The following TFDP2 variants were observed in gnomAD, a reference collection of about 807,000 sequenced individuals.
TFDP2 encodes the protein transcription factor Dp-2, also known as transcription factor Dp-2 (E2F dimerization partner 2).
Under a neutral mutation model 59.3 loss-of-function variants are expected in TFDP2, and 17 were observed. The ratio of observed to expected loss-of-function variants is 0.29; its 90% CI spans 0.20 to 0.43. The LOEUF is 0.43. Ranked by LOEUF, TFDP2 falls within the 20% of genes least tolerant of loss-of-function variation. The pLI, the probability that TFDP2 is intolerant of heterozygous loss-of-function variation, is 1.00. For missense variants in TFDP2, 391 were observed against 528.8 expected, an observed-to-expected ratio of 0.74 and a Z score of 2.56; for synonymous variants, 180 against 194.7, an observed-to-expected ratio of 0.92 and a Z score of 0.63.
chr3:141,973,661 G>T (rs1576527940), intron 8 of TFDP2, among the ~76,000 whole-genome samples: 1 of 146,650 alleles, frequency 6.8e-6, no homozygotes, highest in African/African-American at 2.5e-5. Context: ...ACCAATAAAG[G>T]AAATAAACAG....
chr3:141,978,237 C>T (rs569863387), intron 7 of TFDP2, among the ~76,000 whole-genome samples: 34 of 151,282 alleles, frequency 2.2e-4, no homozygotes, highest in African/African-American at 7.0e-4. Flanking sequence ...CCCAGCTACG[C>T]GGGAGGCTGA....
rs2062053720 is a variant in TFDP2 at position 142,121,732 on chromosome 3, T to C, written c.-92-19891A>G. Among the ~76,000 whole-genome samples, 1 of 152,042 alleles carries C rather than the reference T, an allele frequency of 6.6e-6. No individual in the cohort carries two copies. The highest frequency in any genetic ancestry group is 2.4e-5 in the African/African-American group (1 of 41,400). On this transcript the variant is annotated intron_variant, in intron 1 of 12. Transcript: ENST00000489671. The surrounding 1 kb of genome is among the most constrained non-coding windows in gnomAD (Gnocchi z 4.3). ...TTAGGATATGAAGTTTAAAAAAGGC[T>C]CACACCTGTAATCCCAGCACTTCTG...
intron 4 of TFDP2, among the ~76,000 whole-genome samples, chr3:142,004,989 A>G (rs1944101450): frequency 6.6e-6 from 1 of 152,252 alleles, no homozygotes; most frequent in Non-Finnish European, 1.5e-5. Flanking sequence ...GACCAGATAC[A>G]TTCAGATAAA....
At chr3:142,110,503 C>CAA (rs539385451) in intron 1 of TFDP2, among the ~76,000 whole-genome samples, 70 of 117,624 alleles carry the variant, frequency 6.0e-4, no homozygotes, top group African/African-American at 2.0e-3. Context: ...GACTCTGTCT[C>CAA]AAAAAAAAAA....
At chr3:142,101,919 T>C in intron 1 of TFDP2, 78 bp from the exon 2 acceptor site, 1 of 440,272 alleles carries the variant, frequency 2.3e-6, no homozygotes, top group Middle Eastern at 5.6e-4. Flanking sequence ...CTATGTGACA[T>C]GCATTGTTAT....
intron 1 of TFDP2, among the ~76,000 whole-genome samples, chr3:142,105,325 A>G (rs966283237): frequency 1.3e-5 from 2 of 152,162 alleles, no homozygotes; most frequent in Non-Finnish European, 2.9e-5. Context: ...TGTGCCCCCA[A>G]CTACAAATAC....
In TFDP2 at chr3:142,132,160, A is replaced by G. The variant is rs528314283; in HGVS notation, c.-93+17023T>C. 2.2e-4 allele frequency among the ~76,000 whole-genome samples: 33 copies of G among 150,356 alleles called. 1 individual carries two copies. Among genetic ancestry groups the G allele is most frequent in the Non-Finnish European group, 2.8e-4 (19 of 68,030 alleles). On this transcript the variant is annotated intron_variant, in intron 1 of 12. Coordinates refer to ENST00000489671, the MANE Select transcript of TFDP2 (RefSeq NM_001178139.2). ...CATTATTTTGCAATATAAAGGGATG[A>G]TTATTGATATACTCTGCAGCATGCA...
intron 3 of TFDP2, among the ~76,000 whole-genome samples, chr3:142,087,563 C>T (rs1009398209): frequency 4.6e-5 from 7 of 150,708 alleles, no homozygotes; most frequent in African/African-American, 9.8e-5. Context: ...TTCAGTGGTA[C>T]GATCTCAGCT....
At chr3:142,044,757 C>T (rs1947242731) in intron 3 of TFDP2, among the ~76,000 whole-genome samples, 1 of 152,184 alleles carries the variant, frequency 6.6e-6, no homozygotes, top group African/African-American at 2.4e-5. Context: ...TCTTCTCTCT[C>T]TAGGTCCCTG....
At chr3:141,992,327 C>T (rs1190709778) in intron 6 of TFDP2, among the ~76,000 whole-genome samples, 1 of 151,902 alleles carries the variant, frequency 6.6e-6, no homozygotes, top group African/African-American at 2.4e-5. Context: ...GAAAGTTGAA[C>T]CAATGGCTAC....
intron 3 of TFDP2, among the ~76,000 whole-genome samples, chr3:142,033,310 T>G (rs1248834387): frequency 6.6e-6 from 1 of 152,262 alleles, no homozygotes; most frequent in Non-Finnish European, 1.5e-5. Context: ...TATTGAACAC[T>G]GTAGATATAG....
intron 5 of TFDP2, 34 bp from the exon 6 acceptor site, chr3:141,993,619 C>T: frequency 1.6e-6 from 2 of 1,271,426 alleles, no homozygotes; most frequent in Non-Finnish European, 2.2e-6. Context: ...AAAAACAATA[C>T]ATACTTAAAT....
intron 3 of TFDP2, among the ~76,000 whole-genome samples, chr3:142,059,163 G>A (rs2059835837): frequency 6.6e-6 from 1 of 152,182 alleles, no homozygotes; most frequent in African/African-American, 2.4e-5. Flanking sequence ...AGCAGTCATA[G>A]ATATGCTTTG....
chr3:142,055,941 C>CTTTTT (rs529693273), intron 3 of TFDP2, among the ~76,000 whole-genome samples: 2 of 70,186 alleles, frequency 2.8e-5, no homozygotes, highest in Non-Finnish European at 4.7e-5. Context: ...TATTAAGTAC[C>CTTTTT]TTTTTTTTTT....
At chr3:142,001,679 T>C (rs957913976) in intron 4 of TFDP2, among the ~76,000 whole-genome samples, 2 of 152,188 alleles carry the variant, frequency 1.3e-5, no homozygotes, top group Non-Finnish European at 2.9e-5. Flanking sequence ...ATTATATCTT[T>C]AATTCATTTC....
At chr3:141,993,013 G>A (rs1490670536) in intron 6 of TFDP2, among the ~76,000 whole-genome samples, 2 of 152,022 alleles carry the variant, frequency 1.3e-5, no homozygotes, top group East Asian at 3.9e-4. Context: ...TAAGAAAGAA[G>A]CAAGTTTGTT....
intron 3 of TFDP2, among the ~76,000 whole-genome samples, chr3:142,090,449 A>G (rs1176761770): frequency 6.6e-6 from 1 of 152,156 alleles, no homozygotes; most frequent in Non-Finnish European, 1.5e-5. Context: ...ATTTATAACT[A>G]GTACTTACCC....
At position 141,963,950 on chromosome 3, in the gene TFDP2, T is replaced by C. The variant is rs762113748; in HGVS notation, c.746A>G (p.Lys249Arg). The C allele has an allele frequency of 6.8e-6, 11 of 1,613,488 alleles. No individual in the cohort carries two copies. In the South Asian group the frequency reaches 9.9e-5, roughly 15 times the overall value. The change falls in exon 10 of 13, where the codon AAA becomes AGA. Residue 249 changes from lysine to arginine, a missense_variant. Physicochemically the swap from Lys to Arg is conservative, Grantham distance 26. Transcript: ENST00000489671. The stretch of plus-strand genomic sequence containing the variant: ...TTGTCGATTTCTCTGTACCAGGTTT[T>C]TGAAAGCGATTTGCTGTAATGATCA... ...QELLLQQIAF[K>R]NLVQRNRQNE...
At chr3:142,058,345 C>T (rs1388492042) in intron 3 of TFDP2, among the ~76,000 whole-genome samples, 2 of 149,752 alleles carry the variant, frequency 1.3e-5, no homozygotes, top group African/African-American at 2.5e-5. Context: ...TTAAATCACA[C>T]CAACCAATTC....
Sources: allele counts gnomAD v4.1 joint callset (sites outside exome capture counted in the v4.1 genomes callset), GRCh38; gene constraint gnomAD v4.1.1; non-coding constraint Gnocchi (gnomAD v3.1); transcripts MANE v1.5; gene names NCBI Gene and HGNC (gene_info 2026-07-23, HGNC 2026-07-21).